Variants in GUCA1C observed in about 807,000 individuals in gnomAD.
GUCA1C encodes the protein guanylate cyclase activator 1C, also known as guanylyl cyclase-activating protein 3.
In GUCA1C, 15 loss-of-function variants were observed where a neutral mutation model predicts 16.2. The observed-to-expected ratio is 0.93, with a 90% CI of 0.62 to 1.43. The LOEUF (loss-of-function observed/expected upper bound fraction) is 1.43, where lower values mean the gene tolerates loss of function less well. GUCA1C is among the 40% of genes most tolerant of loss of function. GUCA1C has a pLI of 0.00. For missense variants in GUCA1C, 275 were observed against 244.8 expected, an observed-to-expected ratio of 1.12 and a Z score of -0.82; for synonymous variants, 78 against 85.4, an observed-to-expected ratio of 0.91 and a Z score of 0.48.
At chr3:108,935,947 A>G (rs1293642715) in intron 1 of GUCA1C, among the ~76,000 whole-genome samples, 2 of 152,164 alleles carry the variant, frequency 1.3e-5, no homozygotes, top group Admixed American at 1.3e-4. Flanking sequence ...ATCAATTTGT[A>G]GGCAGGTACA....
At chr3:108,916,662 G>C (rs1312655699) in intron 2 of GUCA1C, among the ~76,000 whole-genome samples, 3 of 152,150 alleles carry the variant, frequency 2.0e-5, no homozygotes, top group Admixed American at 2.0e-4. Flanking sequence ...TGGCACCCCT[G>C]GTTCTTTGTG....
At position 108,908,696 on chromosome 3, in the gene GUCA1C, CA is replaced by C. The variant is rs1292464550; in HGVS notation, c.443-488del. On this transcript the variant is annotated intron_variant, in intron 3 of 3. Transcript: ENST00000261047. The stretch of plus-strand genomic sequence containing the variant: ...GTTCATTCCACAGGTTATTTTTGCT[CA>C]TTAGTTCTCTACTCCTTTTCTGGTT... Among the ~76,000 whole-genome samples the C allele has an allele frequency of 3.3e-5, 5 of 152,184 alleles. No individual in the cohort carries two copies. In the East Asian group the frequency reaches 9.6e-4, roughly 29 times the overall value.
intron 1 of GUCA1C, among the ~76,000 whole-genome samples, chr3:108,946,029 C>T (rs1046529261): frequency 1.3e-5 from 2 of 152,162 alleles, no homozygotes; most frequent in Admixed American, 6.5e-5. Context: ...AGTTACCTGC[C>T]CTTGAACCCT....
chr3:108,931,614 C>T (rs1390740959), intron 1 of GUCA1C, among the ~76,000 whole-genome samples: 1 of 152,132 alleles, frequency 6.6e-6, no homozygotes, highest in East Asian at 1.9e-4. Flanking sequence ...GGTGAAATGA[C>T]TTTGGCAAAT....
chr3:108,949,338 C>A (rs1559849568), intron 1 of GUCA1C, among the ~76,000 whole-genome samples: 1 of 152,116 alleles, frequency 6.6e-6, no homozygotes, highest in Non-Finnish European at 1.5e-5. Flanking sequence ...CAATCTGATC[C>A]AGGTGAAGAA....
At chr3:108,909,735 T>C (rs1946428962) in intron 3 of GUCA1C, among the ~76,000 whole-genome samples, 1 of 152,248 alleles carries the variant, frequency 6.6e-6, no homozygotes, top group Admixed American at 6.5e-5. Flanking sequence ...AAGTATTCAC[T>C]GCTGTTTTTT....
chr3:108,954,439 T>C (rs951855643), upstream of GUCA1C, among the ~76,000 whole-genome samples: 1 of 152,188 alleles, frequency 6.6e-6, no homozygotes, highest in Non-Finnish European at 1.5e-5. Flanking sequence ...TGTTCTTCCT[T>C]TCTCTCCCCC....
intron 1 of GUCA1C, among the ~76,000 whole-genome samples, chr3:108,925,296 A>G (rs1946613330): frequency 6.6e-6 from 1 of 152,176 alleles, no homozygotes; most frequent in African/African-American, 2.4e-5. Context: ...CTTTTGCTGT[A>G]TCACAGAGGT....
At chr3:108,954,343 T>C (rs1946929014), upstream of GUCA1C, among the ~76,000 whole-genome samples, 1 of 151,998 alleles carries the variant, frequency 6.6e-6, no homozygotes, top group African/African-American at 2.4e-5. Context: ...GAGAGAAAAA[T>C]AGGTAAAGAG....
chr3:108,940,309 C>T (rs2246219), intron 1 of GUCA1C, among the ~76,000 whole-genome samples: 41,271 of 152,010 alleles, frequency 0.27, 5,955 homozygotes, highest in Middle Eastern at 0.36. Flanking sequence ...CCCAGTACAG[C>T]GTTATAGGTT....
chr3:108,910,398 T>C (rs1453640673), intron 3 of GUCA1C, among the ~76,000 whole-genome samples: 1 of 151,138 alleles, frequency 6.6e-6, no homozygotes, highest in Non-Finnish European at 1.5e-5. Flanking sequence ...CTTGGGAGGC[T>C]GAGGCAGGAG....
chr3:108,917,773 C>T (rs1946531997), intron 2 of GUCA1C, among the ~76,000 whole-genome samples: 1 of 152,112 alleles, frequency 6.6e-6, no homozygotes, highest in South Asian at 2.1e-4. Flanking sequence ...CAGCCGGGCA[C>T]GGTGACTCAT....
intron 1 of GUCA1C, among the ~76,000 whole-genome samples, chr3:108,948,524 C>G (rs1048986740): frequency 4.6e-5 from 7 of 152,060 alleles, no homozygotes; most frequent in Non-Finnish European, 1.0e-4. Flanking sequence ...GATGGAGCAC[C>G]TACTCCAGAG....
In GUCA1C at chr3:108,907,933, G is replaced by A. The variant is rs1203732300; in HGVS notation, c.*89C>T. 1 of 921,282 alleles carries A rather than the reference G, an allele frequency of 1.1e-6. No individual in the cohort carries two copies. The highest frequency in any genetic ancestry group is 1.7e-6 in the Non-Finnish European group (1 of 603,372). The allele number at this position is 921,282 out of a possible 1,614,324, so 57.1% of individuals were successfully genotyped here. On this transcript the variant is annotated 3_prime_UTR_variant, in exon 4 of 4. Transcript: ENST00000261047. ...CCTATATGAATTATAACAAAGACCTGAAATCAACAGCATGTACATGGGGAA... is the reference window on the plus strand; with the variant it reads ...CCTATATGAATTATAACAAAGACCTAAAATCAACAGCATGTACATGGGGAA...
At chr3:108,939,384 T>G (rs1321224205) in intron 1 of GUCA1C, among the ~76,000 whole-genome samples, 1 of 133,434 alleles carries the variant, frequency 7.5e-6, no homozygotes, top group Non-Finnish European at 1.5e-5. Flanking sequence ...CAGGTGGGAG[T>G]GCAGTGGCAT....
Position 108,953,690 on chromosome 3 carries a change from T to G in GUCA1C, c.73A>C (p.Thr25Pro). The change falls in exon 1 of 4, where the codon ACA (threonine) becomes CCA (proline). Residue 25 changes from threonine (T) to proline (P), a missense_variant. By Grantham distance (38) the Thr-to-Pro change is conservative (BLOSUM62 -1). Coordinates refer to ENST00000261047, the MANE Select transcript of GUCA1C (RefSeq NM_005459.4). The stretch of plus-strand genomic sequence containing the variant: ...CCGGATGGATATTCCATCATAAATG[T>G]TCTGTACCACACATGGGTCTCTTGT... ...PTQETHVWYR[T>P]FMMEYPSGLQ... 6.2e-7 allele frequency: 1 copy of G among 1,613,214 alleles called. No homozygotes were observed. Among genetic ancestry groups the G allele is most frequent in the South Asian group, 1.1e-5 (1 of 91,054 alleles).
chr3:108,935,258 CG>C (rs1447163490), intron 1 of GUCA1C, among the ~76,000 whole-genome samples: 2 of 151,450 alleles, frequency 1.3e-5, no homozygotes, highest in Admixed American at 6.6e-5. Context: ...AATCACTATC[CG>C]GATGATGGGA....
At chr3:108,942,144 T>C (rs890866193) in intron 1 of GUCA1C, among the ~76,000 whole-genome samples, 1 of 152,212 alleles carries the variant, frequency 6.6e-6, no homozygotes, top group Non-Finnish European at 1.5e-5. Flanking sequence ...GTTCCTCATG[T>C]GTAAATGCGG....
intron 1 of GUCA1C, among the ~76,000 whole-genome samples, chr3:108,941,003 G>C (rs866813194): frequency 2.2e-4 from 33 of 152,222 alleles, no homozygotes; most frequent in African/African-American, 7.0e-4. Flanking sequence ...GGTGCTGCCT[G>C]CACTCTCCTG....
Sources: allele counts gnomAD v4.1 joint callset (sites outside exome capture counted in the v4.1 genomes callset), GRCh38; gene constraint gnomAD v4.1.1; transcripts MANE v1.5; gene names NCBI Gene and HGNC (gene_info 2026-07-23, HGNC 2026-07-21).